The following MAST4 variants were observed in gnomAD, a reference collection of about 807,000 sequenced individuals.
MAST4 encodes the protein microtubule-associated serine/threonine-protein kinase 4.
In MAST4, 89 loss-of-function variants were observed where a neutral mutation model predicts 162.7. The observed-to-expected ratio is 0.55, with a 90% CI of 0.46 to 0.65. The LOEUF (loss-of-function observed/expected upper bound fraction) is 0.65, where lower values mean the gene tolerates loss of function less well. MAST4 is among the 30% of genes least tolerant of loss of function. The pLI, the probability that MAST4 is intolerant of heterozygous loss-of-function variation, is 0.00. For synonymous variants in MAST4, 1,479 were observed against 1,361.1 expected (o/e 1.09, Z -1.91); for missense variants, 3,153 against 3,374.0 (o/e 0.93, Z 1.62).
chr5:66,746,142 G>C (rs1752745739), intron 1 of MAST4, among the ~76,000 whole-genome samples: 1 of 152,138 alleles, frequency 6.6e-6, no homozygotes, highest in Admixed American at 6.5e-5. Context: ...ACTGCTTAAT[G>C]TTTTGTGATT....
chr5:66,835,442 G>A (rs1163864542), intron 3 of MAST4, among the ~76,000 whole-genome samples: 1 of 151,962 alleles, frequency 6.6e-6, no homozygotes, highest in Non-Finnish European at 1.5e-5. Context: ...CTTTTTACGA[G>A]TAGTGTGGTT....
chr5:67,085,446 A>G (rs948901120), intron 5 of MAST4, among the ~76,000 whole-genome samples: 1 of 152,176 alleles, frequency 6.6e-6, no homozygotes. Flanking sequence ...ATCCCTCTCT[A>G]TAGAGTAGAT....
Position 67,164,510 on chromosome 5 carries a change from T to A in MAST4, c.5331T>A (p.Pro1777=). 6.2e-7 allele frequency: 1 copy of A among 1,613,990 alleles called. No individual in the cohort carries two copies. The highest frequency in any genetic ancestry group is 1.1e-5 in the South Asian group (1 of 91,086). ...SGTEKPGLVA[P]ESPVRKSPSE... ...CGGAGAAGCCTGGCTTGGTTGCTCC[T>A]GAGTCCCCTGTTAGGAAGAGCCCCT... The change falls in exon 29 of 29, where the codon CCT becomes CCA. Residue 1777 remains proline (P), a synonymous_variant. Coordinates refer to ENST00000403625, the MANE Select transcript of MAST4 (RefSeq NM_001164664.2). The surrounding 1 kb of genome is among the most constrained non-coding windows in gnomAD (Gnocchi z 5.3).
At chr5:66,910,744 T>TGTG (rs1763695750) in intron 4 of MAST4, among the ~76,000 whole-genome samples, 1 of 34,756 alleles carries the variant, frequency 2.9e-5, no homozygotes, top group South Asian at 6.6e-4. Flanking sequence ...TTTTTTTCTT[T>TGTG]TTTTTTTTTT....
intron 10 of MAST4, 76 bp from the exon 11 acceptor site, chr5:67,110,022 A>G (rs1766043844): frequency 2.0e-6 from 2 of 1,014,846 alleles, no homozygotes. Flanking sequence ...TGATCTAATT[A>G]GCATGCTTTG....
At chr5:67,106,108 G>A (rs1256985301) in intron 10 of MAST4, among the ~76,000 whole-genome samples, 2 of 152,176 alleles carry the variant, frequency 1.3e-5, no homozygotes, top group African/African-American at 4.8e-5. Context: ...GCCTCTTCCA[G>A]GGATTTCTCT....
intron 1 of MAST4, among the ~76,000 whole-genome samples, chr5:66,717,964 T>G (rs1373969508): frequency 6.6e-6 from 1 of 152,078 alleles, no homozygotes; most frequent in Non-Finnish European, 1.5e-5. Context: ...CCACAGCTGT[T>G]AGCCTTCCTC....
At chr5:67,010,916 C>T (rs1214626883) in intron 4 of MAST4, among the ~76,000 whole-genome samples, 2 of 152,112 alleles carry the variant, frequency 1.3e-5, no homozygotes, top group Non-Finnish European at 2.9e-5. Context: ...TCTCTGTGGG[C>T]AGCTAAATAC....
At chr5:66,823,851 TAAG>T (rs1324722693) in intron 3 of MAST4, among the ~76,000 whole-genome samples, 9 of 152,068 alleles carry the variant, frequency 5.9e-5, no homozygotes, top group African/African-American at 2.2e-4. Flanking sequence ...GTACAAAAAT[TAAG>T]AAGGAATTTA....
rs140184025 is a variant in MAST4 at position 66,791,180 on chromosome 5, C to T, written c.642+2386C>T. Among the ~76,000 whole-genome samples, 784 of 152,286 alleles carry T rather than the reference C, an allele frequency of 5.1e-3. 9 individuals carry two copies. The highest frequency in any genetic ancestry group is 0.018 in the African/African-American group (736 of 41,540). ...CTGGGATTACAGGAGTACACCACCA[C>T]GCCTGACTAATTTTTGCATTTTTGG... On this transcript the variant is annotated intron_variant, in intron 3 of 28. Coordinates refer to ENST00000403625, the MANE Select transcript of MAST4 (RefSeq NM_001164664.2).
chr5:67,108,304 A>G (rs1231751223), intron 10 of MAST4, among the ~76,000 whole-genome samples: 1 of 152,210 alleles, frequency 6.6e-6, no homozygotes, highest in Non-Finnish European at 1.5e-5. Context: ...TATAGTAAGA[A>G]GAAAGTTCAG....
intron 1 of MAST4, among the ~76,000 whole-genome samples, chr5:66,652,666 T>C (rs1219613759): frequency 6.6e-6 from 1 of 152,246 alleles, no homozygotes; most frequent in African/African-American, 2.4e-5. Flanking sequence ...TAATTTTTTT[T>C]TGTTGCCAGT....
chr5:67,165,405 A>G lies in MAST4; in HGVS notation c.6226A>G (p.Arg2076Gly). The change falls in exon 29 of 29, where the codon AGG (arginine) becomes GGG (glycine). Residue 2076 changes from arginine (R) to glycine (G), a missense_variant. This residue lies in a region of MAST4 where 1,644 missense variants were observed against 1,495.0 expected (regional missense o/e 1.10). Coordinates refer to ENST00000403625, the MANE Select transcript of MAST4 (RefSeq NM_001164664.2). Reference protein sequence around the residue: ...IPCEKELGKVRRGVEPKPEAL... With the variant: ...IPCEKELGKVGRGVEPKPEAL... ...CTGTGAGAAGGAGCTGGGCAAGGTG[A>G]GGCGTGGCGTGGAACCCAAGCCCGA... is the stretch of plus-strand genomic sequence containing the variant. The G allele has an allele frequency of 1.9e-6, 3 of 1,613,814 alleles. No homozygotes were observed. The highest frequency in any genetic ancestry group is 2.5e-6 in the Non-Finnish European group (3 of 1,179,866).
intron 18 of MAST4, among the ~76,000 whole-genome samples, chr5:67,135,212 G>C (rs1388890293): frequency 6.6e-6 from 1 of 152,192 alleles, no homozygotes; most frequent in Non-Finnish European, 1.5e-5. Flanking sequence ...TTCATTGGTA[G>C]TTGTTATGGC....
At chr5:66,831,239 C>G (rs1426524895) in intron 3 of MAST4, among the ~76,000 whole-genome samples, 1 of 152,016 alleles carries the variant, frequency 6.6e-6, no homozygotes, top group African/African-American at 2.4e-5. Flanking sequence ...TGAATTTGTC[C>G]TTAAGTTAGA....
intron 24 of MAST4, among the ~76,000 whole-genome samples, 153 bp from the exon 25 acceptor site, chr5:67,152,484 T>C (rs1039177553): frequency 2.6e-5 from 4 of 152,250 alleles, no homozygotes; most frequent in Admixed American, 6.5e-5. Context: ...AGAAACATTT[T>C]TGTATTATTT....
chr5:66,604,978 C>T (rs890225796), intron 1 of MAST4, among the ~76,000 whole-genome samples: 5 of 152,232 alleles, frequency 3.3e-5, no homozygotes, highest in East Asian at 1.9e-4. Flanking sequence ...TCATAGCCAG[C>T]GAAATTGCAT....
At chr5:66,692,431 A>C (rs945776458) in intron 1 of MAST4, among the ~76,000 whole-genome samples, 1 of 108,952 alleles carries the variant, frequency 9.2e-6, no homozygotes, top group African/African-American at 3.5e-5. Flanking sequence ...TTTTTACTTT[A>C]TTGTAGGGCT....
intron 28 of MAST4, 75 bp downstream of exon 28, chr5:67,162,863 G>C: frequency 7.0e-7 from 1 of 1,419,352 alleles, no homozygotes; most frequent in Non-Finnish European, 9.6e-7. Context: ...AAAACATGAA[G>C]CTTGTTCCAG....
Sources: allele counts gnomAD v4.1 joint callset (sites outside exome capture counted in the v4.1 genomes callset), GRCh38; gene constraint gnomAD v4.1.1; regional missense constraint gnomAD v4.1.1; non-coding constraint Gnocchi (gnomAD v3.1); transcripts MANE v1.5; gene names NCBI Gene and HGNC (gene_info 2026-07-23, HGNC 2026-07-21).